The following DLGAP2 variants were observed in gnomAD, a reference collection of about 807,000 sequenced individuals.
The protein encoded by DLGAP2 is DLG associated protein 2, also known as disks large-associated protein 2.
A neutral mutation model predicts 100.3 loss-of-function variants in DLGAP2; 26 were observed. The observed-to-expected ratio is 0.26, with a 90% CI of 0.19 to 0.36. The LOEUF (loss-of-function observed/expected upper bound fraction) is 0.36, where lower values mean the gene tolerates loss of function less well. Among genes scored for constraint, DLGAP2 ranks in the 10% least tolerant of loss-of-function variants. DLGAP2 has a pLI of 1.00. For missense variants in DLGAP2, 1,858 were observed against 1,453.2 expected (o/e 1.28, Z -4.53); for synonymous variants, 886 against 630.1 (o/e 1.41, Z -6.08).
intron 3 of DLGAP2, chr8:1,378,017 C>T (rs528560535): frequency 6.5e-6 from 1 of 153,082 alleles, no homozygotes; most frequent in African/African-American, 2.4e-5. Flanking sequence ...CTCTCAGCAG[C>T]CACTGAATCA....
At chr8:1,217,253 C>T (rs578096971) in intron 2 of DLGAP2, among the ~76,000 whole-genome samples, 21 of 152,242 alleles carry the variant, frequency 1.4e-4, no homozygotes, top group African/African-American at 4.8e-4. Context: ...GGATAATGGC[C>T]TCTAGCTGCC....
At chr8:1,191,258 C>G (rs1360225568) in intron 2 of DLGAP2, among the ~76,000 whole-genome samples, 1 of 149,796 alleles carries the variant, frequency 6.7e-6, no homozygotes, top group South Asian at 2.1e-4. Context: ...TGCAGCTCCA[C>G]CTCCCGGGTT....
At chr8:1,588,259 G>T (rs1796185477) in intron 6 of DLGAP2, among the ~76,000 whole-genome samples, 1 of 152,100 alleles carries the variant, frequency 6.6e-6, no homozygotes. Flanking sequence ...AATGGCTATT[G>T]AAGGTGCGAC....
chr8:1,525,191 CTTTTTTT>C (rs56358216), intron 4 of DLGAP2, among the ~76,000 whole-genome samples: 1 of 103,680 alleles, frequency 9.6e-6, no homozygotes, highest in Admixed American at 1.0e-4. Flanking sequence ...ACTCTGATGT[CTTTTTTT>C]TTTTTTTTTT....
At chr8:1,054,650 A>G (rs967929243) in intron 2 of DLGAP2, among the ~76,000 whole-genome samples, 1 of 152,222 alleles carries the variant, frequency 6.6e-6, no homozygotes, top group African/African-American at 2.4e-5. Context: ...ATGATCAGAT[A>G]ACAATTGACT....
intron 2 of DLGAP2, among the ~76,000 whole-genome samples, chr8:1,241,173 GGCGCC>G (rs1798785819): frequency 4.1e-4 from 8 of 19,288 alleles, no homozygotes; most frequent in East Asian, 2.0e-3. Context: ...TCTCTCACGT[GGCGCC>G]GTGTCTCGTT....
At chr8:1,160,426 C>CACGTGTGCAT (rs1796867687) in intron 2 of DLGAP2, among the ~76,000 whole-genome samples, 1 of 152,142 alleles carries the variant, frequency 6.6e-6, no homozygotes, top group African/African-American at 2.4e-5. Flanking sequence ...CGTGAGTGTG[C>CACGTGTGCAT]ACGTGTGCAT....
At chr8:1,300,387 A>G (rs12679463) in intron 3 of DLGAP2, 120,110 of 152,214 alleles carry the variant, frequency 0.79, 47,824 homozygotes, top group African/African-American at 0.9. Context: ...CCCTCCCTAC[A>G]CTGGCGTTTG....
intron 2 of DLGAP2, among the ~76,000 whole-genome samples, chr8:1,172,675 T>G (rs1797154263): frequency 6.6e-6 from 1 of 152,208 alleles, no homozygotes; most frequent in African/African-American, 2.4e-5. Context: ...GTTGATCACA[T>G]CGGCTCCTGG....
chr8:1,625,477 A>T (rs1480200480), intron 6 of DLGAP2, among the ~76,000 whole-genome samples: 3 of 152,216 alleles, frequency 2.0e-5, no homozygotes, highest in Non-Finnish European at 4.4e-5. Flanking sequence ...GGGAGTTTGG[A>T]AGAAAACGAC....
chr8:1,533,136 A>G (rs115244959), intron 4 of DLGAP2, among the ~76,000 whole-genome samples: 18 of 123,294 alleles, frequency 1.5e-4, no homozygotes, highest in East Asian at 4.3e-4. Flanking sequence ...GATTCTAGGG[A>G]AAAAAAAAAA....
chr8:1,217,163 A>C (rs1193008074), intron 2 of DLGAP2, among the ~76,000 whole-genome samples: 1 of 152,100 alleles, frequency 6.6e-6, no homozygotes, highest in Non-Finnish European at 1.5e-5. Context: ...CTTTGTGCTC[A>C]TGAATTCTCA....
chr8:744,182 C>T (rs1324379884), intron 1 of DLGAP2, among the ~76,000 whole-genome samples: 4 of 152,256 alleles, frequency 2.6e-5, no homozygotes, highest in Non-Finnish European at 4.4e-5. Flanking sequence ...AAGAAGTGCT[C>T]GTTCGCTCAG....
intron 2 of DLGAP2, among the ~76,000 whole-genome samples, chr8:1,194,036 C>T (rs949659854): frequency 2.6e-5 from 4 of 152,142 alleles, no homozygotes; most frequent in Non-Finnish European, 4.4e-5. Context: ...ACCAAATCCA[C>T]GTACTGTGAC....
chr8:1,075,408 G>A (rs1013327105), intron 2 of DLGAP2, among the ~76,000 whole-genome samples: 6 of 152,248 alleles, frequency 3.9e-5, no homozygotes, highest in Non-Finnish European at 4.4e-5. Flanking sequence ...CAGGCTCCCA[G>A]AGCCCCTTTG....
chr8:997,936 A>T (rs1299151684), intron 2 of DLGAP2, among the ~76,000 whole-genome samples: 1 of 152,164 alleles, frequency 6.6e-6, no homozygotes, highest in African/African-American at 2.4e-5. Flanking sequence ...ACACCCATGC[A>T]TACAGACAAA....
rs963293275 is a variant in DLGAP2 at position 1,033,600 on chromosome 8, G to A, written c.73+125634G>A. Among the ~76,000 whole-genome samples the A allele has an allele frequency of 4.6e-5, 7 of 152,296 alleles. No homozygotes were observed. In the East Asian group the frequency reaches 5.8e-4, roughly 13 times the overall value. Reference sequence around the variant, plus strand: ...GGAGGATAGCTTGAGCCTAGGATGCGGAGGTTGCAGTGAGCTGAGGTTACA... The same window carrying A: ...GGAGGATAGCTTGAGCCTAGGATGCAGAGGTTGCAGTGAGCTGAGGTTACA... On this transcript the variant is annotated intron_variant, in intron 2 of 14. Coordinates refer to ENST00000637795, the MANE Select transcript of DLGAP2 (RefSeq NM_001346810.2).
chr8:888,675 C>G (rs1287958395), intron 1 of DLGAP2, among the ~76,000 whole-genome samples: 1 of 151,570 alleles, frequency 6.6e-6, no homozygotes, highest in Admixed American at 6.6e-5. Flanking sequence ...TCACTTCAGG[C>G]CCTATTCATC....
chr8:989,287 C>G (rs1019228183), intron 2 of DLGAP2, among the ~76,000 whole-genome samples: 3 of 152,174 alleles, frequency 2.0e-5, no homozygotes, highest in Non-Finnish European at 4.4e-5. Flanking sequence ...TCACCCACAT[C>G]CTAACCTCCT....
Sources: gnomAD v4.1 joint callset for allele counts (sites outside exome capture counted in the v4.1 genomes callset) on GRCh38, gnomAD v4.1.1 for gene constraint, MANE v1.5 for transcripts, NCBI Gene and HGNC (gene_info 2026-07-23, HGNC 2026-07-21) for gene names.